Variants in NOL4 observed in about 807,000 individuals in gnomAD.
NOL4 encodes cancer/testis antigen 125.
In NOL4, 17 loss-of-function variants were observed where a neutral mutation model predicts 75.9. The ratio of observed to expected loss-of-function variants is 0.22; its 90% confidence interval spans 0.15 to 0.34. The LOEUF (loss-of-function observed/expected upper bound fraction) is 0.34, where lower values mean the gene tolerates loss of function less well. Ranked by LOEUF, NOL4 falls within the 10% of genes least tolerant of loss-of-function variation. The pLI is 1.00. For synonymous variants in NOL4, 292 were observed against 289.9 expected, an observed-to-expected ratio of 1.01 and a Z score of -0.07; for missense variants, 614 against 793.5, an observed-to-expected ratio of 0.77 and a Z score of 2.72.
chr18:33,982,742 ATT>A (rs953221382), intron 6 of NOL4, among the ~76,000 whole-genome samples: 1,569 of 104,860 alleles, frequency 0.015, 32 homozygotes, highest in African/African-American at 0.052. Flanking sequence ...AGACAATGGG[ATT>A]TTTTTTTTTT....
At chr18:33,903,116 T>C (rs2065837908) in intron 9 of NOL4, among the ~76,000 whole-genome samples, 1 of 152,126 alleles carries the variant, frequency 6.6e-6, no homozygotes, top group Admixed American at 6.6e-5. Flanking sequence ...AGCCAGGTGA[T>C]AAACAAAAGA....
intron 1 of NOL4, among the ~76,000 whole-genome samples, chr18:34,215,631 C>T (rs1274129964): frequency 2.0e-5 from 3 of 151,856 alleles, no homozygotes; most frequent in Admixed American, 6.6e-5. Flanking sequence ...CGGAGGACCT[C>T]GGATGGGAAA....
chr18:34,221,305 G>A (rs1382575739), intron 1 of NOL4: 4 of 152,126 alleles, frequency 2.6e-5, no homozygotes, highest in Non-Finnish European at 5.9e-5. Context: ...AGTTAGCTCA[G>A]TTTTGTCCAA....
At chr18:33,894,095 T>C (rs1369063860) in intron 9 of NOL4, among the ~76,000 whole-genome samples, 1 of 152,118 alleles carries the variant, frequency 6.6e-6, no homozygotes, top group Non-Finnish European at 1.5e-5. Context: ...GTTTCATATA[T>C]AAACTACTGG....
At chr18:34,124,541 C>T (rs549852262) in intron 2 of NOL4, among the ~76,000 whole-genome samples, 12 of 152,250 alleles carry the variant, frequency 7.9e-5, no homozygotes, top group South Asian at 6.2e-4. Context: ...ATCTTGATGA[C>T]ATGCTTCTTA....
intron 1 of NOL4, among the ~76,000 whole-genome samples, chr18:34,164,206 A>G (rs1391071591): frequency 6.6e-6 from 1 of 152,140 alleles, no homozygotes; most frequent in African/African-American, 2.4e-5. Flanking sequence ...CTAAAACACC[A>G]AAAGCAATGG....
intron 9 of NOL4, among the ~76,000 whole-genome samples, chr18:33,922,842 A>G (rs1386733228): frequency 6.6e-6 from 1 of 152,154 alleles, no homozygotes; most frequent in Non-Finnish European, 1.5e-5. Flanking sequence ...CTAATTTCTG[A>G]TTTGATTCAT....
intron 5 of NOL4, among the ~76,000 whole-genome samples, chr18:34,036,264 A>G (rs1224612017): frequency 1.3e-5 from 2 of 152,158 alleles, no homozygotes; most frequent in Non-Finnish European, 2.9e-5. Flanking sequence ...TATCAAAAAG[A>G]TAATAAACCA....
intron 9 of NOL4, among the ~76,000 whole-genome samples, chr18:33,908,903 A>G (rs915455228): frequency 2.0e-5 from 3 of 152,120 alleles, no homozygotes; most frequent in African/African-American, 7.2e-5. Context: ...GTTTAATAGT[A>G]CTGCTTACAT....
chr18:34,003,791 CAACT>C (rs917596019), intron 6 of NOL4, among the ~76,000 whole-genome samples: 6 of 152,008 alleles, frequency 3.9e-5, no homozygotes, highest in Non-Finnish European at 5.9e-5. Flanking sequence ...CTAAGGCCCT[CAACT>C]AACTAACAGA....
intron 1 of NOL4, among the ~76,000 whole-genome samples, chr18:34,163,357 A>G (rs542862717): frequency 5.9e-5 from 9 of 151,760 alleles, no homozygotes; most frequent in African/African-American, 1.9e-4. Flanking sequence ...GTCTCAGCCC[A>G]AAATCTCCTT....
At chr18:34,092,169 CTTGG>C (rs921576811) in intron 5 of NOL4, among the ~76,000 whole-genome samples, 2 of 151,752 alleles carry the variant, frequency 1.3e-5, no homozygotes, top group Non-Finnish European at 1.5e-5. Flanking sequence ...ACTCTATGAT[CTTGG>C]TACTATACAA....
At chr18:33,893,346 T>C (rs965883401) in intron 9 of NOL4, among the ~76,000 whole-genome samples, 2 of 152,170 alleles carry the variant, frequency 1.3e-5, no homozygotes, top group African/African-American at 4.8e-5. Context: ...CTTTGTACTC[T>C]TGTCCTTAGA....
intron 1 of NOL4, among the ~76,000 whole-genome samples, chr18:34,162,574 T>G (rs930576381): frequency 6.6e-6 from 1 of 152,062 alleles, no homozygotes; most frequent in Non-Finnish European, 1.5e-5. Flanking sequence ...AATAACAGGC[T>G]CTGAAATTGT....
intron 5 of NOL4, among the ~76,000 whole-genome samples, chr18:34,045,919 C>T (rs2076342053): frequency 6.6e-6 from 1 of 152,100 alleles, no homozygotes; most frequent in Non-Finnish European, 1.5e-5. Flanking sequence ...TTTTAAAATA[C>T]ACACATCAAC....
chr18:34,003,508 T>C (rs140765745), intron 6 of NOL4, among the ~76,000 whole-genome samples: 147 of 152,268 alleles, frequency 9.7e-4, no homozygotes, highest in African/African-American at 3.4e-3. Flanking sequence ...TTTAGCTTTC[T>C]AAAAATGTAT....
In NOL4 at chr18:34,215,622, G is replaced by A. The variant is rs560583998; in HGVS notation, c.264+7368C>T. ...GAATAAGAAAAAGATGTGTCAGCTCGGAGGACCTCGGATGGGAAAATGGAA... is the reference window on the plus strand; with the variant it reads ...GAATAAGAAAAAGATGTGTCAGCTCAGAGGACCTCGGATGGGAAAATGGAA... On this transcript the variant is annotated intron_variant, in intron 1 of 10. Transcript: ENST00000261592. Among the ~76,000 whole-genome samples the A allele has an allele frequency of 4.6e-5, 7 of 152,204 alleles. No homozygotes were observed. In the East Asian group the frequency reaches 5.8e-4, roughly 13 times the overall value.
chr18:34,043,149 TAC>T (rs1221565619), intron 5 of NOL4, among the ~76,000 whole-genome samples: 1 of 152,068 alleles, frequency 6.6e-6, no homozygotes. Context: ...TTCATGTACT[TAC>T]AGTGTGCATG....
chr18:34,160,965 A>G (rs1162025132), intron 1 of NOL4, among the ~76,000 whole-genome samples: 1 of 151,812 alleles, frequency 6.6e-6, no homozygotes, highest in South Asian at 2.1e-4. Flanking sequence ...GCTTCTCCCT[A>G]TTTTCTCTCC....
Sources: gnomAD v4.1 joint callset for allele counts (sites outside exome capture counted in the v4.1 genomes callset) on GRCh38, gnomAD v4.1.1 for gene constraint, MANE v1.5 for transcripts, NCBI Gene and HGNC (gene_info 2026-07-23, HGNC 2026-07-21) for gene names.